PTPN2: variants seen among roughly 807,000 people sequenced by gnomAD.
The protein encoded by PTPN2 is tyrosine-protein phosphatase non-receptor type 2.
A neutral mutation model predicts 57.3 loss-of-function variants in PTPN2; 19 were observed. That is an observed-to-expected ratio of 0.33 (90% CI 0.23 to 0.49). The LOEUF is 0.49. Ranked by LOEUF, PTPN2 falls within the 20% of genes least tolerant of loss-of-function variation. The pLI is 0.99. For synonymous variants in PTPN2, 153 were observed against 164.9 expected (o/e 0.93, Z 0.55); for missense variants, 358 against 501.1 (o/e 0.71, Z 2.73).
chr18:12,871,365 T>A (rs188041803), intron 1 of PTPN2, among the ~76,000 whole-genome samples: 114 of 152,218 alleles, frequency 7.5e-4, no homozygotes, highest in Middle Eastern at 3.4e-3. Flanking sequence ...CATCTTTGTC[T>A]GATAGGTGAA....
At chr18:12,860,108 C>T (rs2043741648) in intron 1 of PTPN2, among the ~76,000 whole-genome samples, 1 of 151,384 alleles carries the variant, frequency 6.6e-6, no homozygotes, top group African/African-American at 2.4e-5. Flanking sequence ...GCCAACAAAG[C>T]GAAACCCCGT....
chr18:12,793,324 G>C lies in PTPN2; in HGVS notation c.*954C>G, dbSNP rs2041040042. 1.0e-6 allele frequency: 1 copy of C among 973,798 alleles called. No individual in the cohort carries two copies. The highest frequency in any genetic ancestry group is 1.8e-5 in the African/African-American group (1 of 56,894). The allele number at this position is 973,798 out of a possible 1,614,324, so 60.3% of individuals were successfully genotyped here. A position where few individuals can be genotyped will look rare whatever the true frequency, so the allele number is the denominator to read the frequency against. ...GTGTTTACTTCAAAACTTCAGTCTA[G>C]TAAACTGAAATTATGAATCATAAAA... On this transcript the variant is annotated 3_prime_UTR_variant, in exon 9 of 9. Transcript: ENST00000309660.
chr18:12,837,987 T>C (rs2042923718), intron 2 of PTPN2, among the ~76,000 whole-genome samples: 1 of 151,944 alleles, frequency 6.6e-6, no homozygotes, highest in Non-Finnish European at 1.5e-5. Context: ...CAACAAGCAC[T>C]TTTTTTTAAA....
chr18:12,793,698 A>ATT lies in PTPN2; in HGVS notation c.*578_*579dup. The ATT allele has an allele frequency of 3.1e-6, 3 of 953,604 alleles. No homozygotes were observed. The highest frequency in any genetic ancestry group is 1.8e-5 in the African/African-American group (1 of 56,410). The allele number at this position is 953,604 out of a possible 1,614,324, so 59.1% of individuals were successfully genotyped here. On this transcript the variant is annotated 3_prime_UTR_variant, in exon 9 of 9. Transcript: ENST00000309660. ...TCCAGTACAATTCAATCGACATACA[A>ATT]TTTATTTTTTTAGTAACAGATTTTT... is the stretch of plus-strand genomic sequence containing the variant.
intron 2 of PTPN2, among the ~76,000 whole-genome samples, chr18:12,838,274 T>C (rs918903013): frequency 6.6e-6 from 1 of 152,138 alleles, no homozygotes; most frequent in African/African-American, 2.4e-5. Context: ...GCCATTTAGC[T>C]AACATGCGGT....
intron 7 of PTPN2, among the ~76,000 whole-genome samples, chr18:12,808,682 G>A (rs779038207): frequency 2.0e-5 from 3 of 152,002 alleles, no homozygotes; most frequent in Non-Finnish European, 2.9e-5. Flanking sequence ...TCGGGAGGCT[G>A]AGGTAGGAGA....
intron 4 of PTPN2, among the ~76,000 whole-genome samples, chr18:12,827,492 G>C (rs2042518376): frequency 6.6e-6 from 1 of 151,550 alleles, no homozygotes; most frequent in African/African-American, 2.4e-5. Flanking sequence ...AATCTTCTGG[G>C]CTCAAGCAAT....
At chr18:12,824,867 C>T (rs1251160971) in intron 5 of PTPN2, among the ~76,000 whole-genome samples, 1 of 152,072 alleles carries the variant, frequency 6.6e-6, no homozygotes, top group Non-Finnish European at 1.5e-5. Flanking sequence ...GGGAGGATCG[C>T]TTGAGCTCAG....
At chr18:12,872,672 T>C (rs1248357308) in intron 1 of PTPN2, among the ~76,000 whole-genome samples, 1 of 152,106 alleles carries the variant, frequency 6.6e-6, no homozygotes, top group African/African-American at 2.4e-5. Context: ...CATGCTAAGT[T>C]TGCGGGGGAT....
chr18:12,881,304 G>A (rs1386899953), intron 1 of PTPN2, among the ~76,000 whole-genome samples: 1 of 152,152 alleles, frequency 6.6e-6, no homozygotes, highest in East Asian at 1.9e-4. Flanking sequence ...GGGCATGGTG[G>A]TGTGTGCCTG....
At position 12,870,301 on chromosome 18, in the gene PTPN2, G is replaced by A. The variant is rs181508926; in HGVS notation, c.70-11047C>T. Among the ~76,000 whole-genome samples, 116 of 53,124 alleles carry A rather than the reference G, an allele frequency of 2.2e-3. 2 individuals carry two copies. The highest frequency in any genetic ancestry group is 0.013 in the African/African-American group (92 of 7,246). The allele number at this position is 53,124 out of a possible 152,430, so 34.9% of individuals were successfully genotyped here. A position where few individuals can be genotyped will look rare whatever the true frequency, so the allele number is the denominator to read the frequency against. Reference sequence around the variant, plus strand: ...TATATATACATATACATATATATGTGTATATATACATATATATGTGTATAT... The same window carrying A: ...TATATATACATATACATATATATGTATATATATACATATATATGTGTATAT... On this transcript the variant is annotated intron_variant, in intron 1 of 8. Transcript: ENST00000309660.
intron 5 of PTPN2, among the ~76,000 whole-genome samples, chr18:12,820,081 G>A (rs796114471): frequency 2.8e-4 from 42 of 152,246 alleles, no homozygotes; most frequent in African/African-American, 1.0e-3. Flanking sequence ...ACAATCTTGG[G>A]CAACAGCTTG....
chr18:12,847,937 A>T (rs1370055185), intron 2 of PTPN2, among the ~76,000 whole-genome samples: 1 of 151,802 alleles, frequency 6.6e-6, no homozygotes, highest in African/African-American at 2.4e-5. Flanking sequence ...AAAATTGAAG[A>T]TAGAACTAAA....
At chr18:12,826,109 T>C (rs1017840414) in intron 4 of PTPN2, among the ~76,000 whole-genome samples, 165 bp from the exon 5 acceptor site, 1 of 152,186 alleles carries the variant, frequency 6.6e-6, no homozygotes, top group Non-Finnish European at 1.5e-5. Flanking sequence ...TTTAGTAAGA[T>C]TGAAATTTTA....
At chr18:12,871,704 G>C (rs1183703501) in intron 1 of PTPN2, among the ~76,000 whole-genome samples, 1 of 151,940 alleles carries the variant, frequency 6.6e-6, no homozygotes, top group African/African-American at 2.4e-5. Flanking sequence ...ATAATTTTAT[G>C]GTTTCATTTC....
At chr18:12,878,360 A>G (rs1379127072) in intron 1 of PTPN2, among the ~76,000 whole-genome samples, 1 of 151,890 alleles carries the variant, frequency 6.6e-6, no homozygotes, top group Non-Finnish European at 1.5e-5. Flanking sequence ...AGAAAAAGGA[A>G]AAAAAGAAAG....
At chr18:12,794,757 G>C (rs1568075795) in intron 8 of PTPN2, among the ~76,000 whole-genome samples, 1 of 152,242 alleles carries the variant, frequency 6.6e-6, no homozygotes, top group Non-Finnish European at 1.5e-5. Flanking sequence ...AAGTAACTGA[G>C]ACTGCAGGCG....
chr18:12,864,892 A>G (rs987018055), intron 1 of PTPN2, among the ~76,000 whole-genome samples: 1 of 152,216 alleles, frequency 6.6e-6, no homozygotes, highest in Non-Finnish European at 1.5e-5. Flanking sequence ...ATGTAAGAGT[A>G]AGATTTTTTA....
At chr18:12,831,889 G>A (rs559466939) in intron 3 of PTPN2, among the ~76,000 whole-genome samples, 107 of 152,298 alleles carry the variant, frequency 7.0e-4, no homozygotes, top group African/African-American at 2.6e-3. Flanking sequence ...AGGGCAAAAG[G>A]AAGATCTAAT....
Sources: allele counts gnomAD v4.1 joint callset (sites outside exome capture counted in the v4.1 genomes callset), GRCh38; gene constraint gnomAD v4.1.1; transcripts MANE v1.5; gene names NCBI Gene and HGNC (gene_info 2026-07-23, HGNC 2026-07-21).